Variants in SART1 observed in about 807,000 individuals in gnomAD.
SART1 encodes spliceosome associated factor 1, recruiter of U4/U6.U5 tri-snRNP, also known as U4/U6.U5 tri-snRNP-associated protein 1.
SART1 carries 28 observed loss-of-function variants against 105.0 expected under a neutral mutation model. The observed-to-expected ratio is 0.27, with a 90% CI of 0.20 to 0.37. SART1 has a LOEUF of 0.37. Among genes scored for constraint, SART1 ranks in the 10% least tolerant of loss-of-function variants. SART1 has a pLI of 1.00. For missense variants in SART1, 894 were observed against 1,106.5 expected (o/e 0.81, Z 2.72); for synonymous variants, 472 against 462.9 (o/e 1.02, Z -0.25).
chr11:65,979,304 A>G lies in SART1; in HGVS notation c.*274A>G. The G allele has an allele frequency of 1.7e-6, 1 of 577,900 alleles. No individual in the cohort carries two copies. Among genetic ancestry groups the G allele is most frequent in the East Asian group, 2.9e-5 (1 of 34,458 alleles). 35.8% of individuals were successfully genotyped at this position (577,900 alleles called of 1,614,324 possible). A position where few individuals can be genotyped will look rare whatever the true frequency, so the allele number is the denominator to read the frequency against. On this transcript the variant is annotated 3_prime_UTR_variant, in exon 20 of 20. Transcript: ENST00000312397. ...GGGCCGGCTCTCTGATAGAAAGTGG[A>G]AGGCGGTTTTAGAAACTCATCACCC...
chr11:65,971,577 G>C, intron 12 of SART1, among the ~76,000 whole-genome samples: 1 of 24,746 alleles, frequency 4.0e-5, no homozygotes, highest in Non-Finnish European at 1.1e-4. Flanking sequence ...TTCATGAGCT[G>C]CTGAAGAGGG....
rs767403436 is a variant in SART1 at position 65,961,831 on chromosome 11, G to A, written c.51G>A (p.Thr17=). The A allele has an allele frequency of 4.5e-6, 7 of 1,566,956 alleles. No homozygotes were observed. In the Admixed American group the frequency reaches 7.6e-5, roughly 17 times the overall value. The change falls in exon 1 of 20, where the codon ACG becomes ACA. Residue 17 remains threonine, a synonymous_variant. Coordinates refer to ENST00000312397, the MANE Select transcript of SART1 (RefSeq NM_005146.5). ...HRGEKEAAGT[T]AAAGTGGATE... ...GAGAGAAGGAGGCGGCCGGGACGAC[G>A]GCGGCGGCCGGCACCGGGGGTGCCA...
Position 65,979,340 on chromosome 11 carries a change from T to G in SART1, c.*310T>G. 1 of 507,014 alleles carries G rather than the reference T, an allele frequency of 2.0e-6. No individual in the cohort carries two copies. 31.4% of individuals were successfully genotyped at this position (507,014 alleles called of 1,614,324 possible). A position where few individuals can be genotyped will look rare whatever the true frequency, so the allele number is the denominator to read the frequency against. ...AGAAACTCATCACCCTGCTCTCTCC[T>G]GGCCTCGGGGGCTGCACAGGTCACT... On this transcript the variant is annotated 3_prime_UTR_variant, in exon 20 of 20. Transcript: ENST00000312397.
intron 12 of SART1, 112 bp downstream of exon 12, chr11:65,967,933 T>C: frequency 9.9e-7 from 1 of 1,012,640 alleles, no homozygotes; most frequent in Non-Finnish European, 1.4e-6. Context: ...CCATTTGTTT[T>C]TTGTTTTCTG....
chr11:65,964,130 A>G lies in SART1; in HGVS notation c.370A>G (p.Asn124Asp). 5 of 1,612,210 alleles carry G rather than the reference A, an allele frequency of 3.1e-6. No individual in the cohort carries two copies. The highest frequency in any genetic ancestry group is 1.7e-4 in the Middle Eastern group (1 of 6,018). ...CTCCTCACTCAGCATCGAGGAGACT[A>G]AGTGAGTACTGTCTCCCTTGTTTCT... ...DASSLSIEET[N>D]KLRAKLGLKP... is the part of the protein sequence containing the mutation. Residue 124 changes from asparagine to aspartate, a missense_variant and splice_region_variant, in exon 2 of 20, where the codon AAC becomes GAC. Physicochemically the swap from Asn to Asp is conservative, Grantham distance 23. Around this residue, in one of 2 missense-constraint regions of SART1, gnomAD observed 712 missense variants for 778.2 expected, o/e 0.91. Transcript: ENST00000312397.
rs758758531 is a variant in SART1, at chr11:65,979,052, C to T, written c.*22C>T. 1.9e-6 allele frequency: 3 copies of T among 1,614,120 alleles called. No individual in the cohort carries two copies. The highest frequency in any genetic ancestry group is 2.5e-6 in the Non-Finnish European group (3 of 1,179,962). ...GTGACAGCGCCCTCCCGCCCCGGCC[C>T]TGCCTCAACCTTCATATTAAATAAA... On this transcript the variant is annotated 3_prime_UTR_variant, in exon 20 of 20. Transcript: ENST00000312397.
chr11:65,975,836 CAGG>C (rs1855470027), intron 12 of SART1, among the ~76,000 whole-genome samples: 1 of 151,982 alleles, frequency 6.6e-6, no homozygotes, highest in South Asian at 2.1e-4. Flanking sequence ...GCATCTGCGA[CAGG>C]AGGGAAAGCA....
At position 65,978,542 on chromosome 11, in the gene SART1, C is replaced by T. The variant is rs939543756; in HGVS notation, c.2173-58C>T. On this transcript the variant is annotated intron_variant, in intron 17 of 19. Transcript: ENST00000312397. This position sits in a 1 kb window ranked among gnomAD's most constrained non-coding sequence, Gnocchi z 6.8. ...CCTGTTATTATACACCTTGTGGGCACAGGTGGCTCCGGCCCCACCCAGGGC... is the reference window on the plus strand; with the variant it reads ...CCTGTTATTATACACCTTGTGGGCATAGGTGGCTCCGGCCCCACCCAGGGC... 7.3e-6 allele frequency: 11 copies of T among 1,499,560 alleles called. No individual in the cohort carries two copies. In the Admixed American group the frequency reaches 9.8e-5, roughly 13 times the overall value. 92.9% of individuals were successfully genotyped at this position (1,499,560 alleles called of 1,614,324 possible).
chr11:65,962,244 C>T, intron 1 of SART1, 151 bp downstream of exon 1: 2 of 634,376 alleles, frequency 3.2e-6, no homozygotes, highest in South Asian at 2.4e-5. Context: ...CTACGGGATC[C>T]CTTGAGCCCA....
chr11:65,965,000 C>T, intron 3 of SART1, 92 bp from the exon 4 acceptor site: 2 of 1,464,030 alleles, frequency 1.4e-6, no homozygotes, highest in Middle Eastern at 2.6e-4. Context: ...CCCTTCTGGC[C>T]CCCTGAGCTG....
intron 12 of SART1, 46 bp downstream of exon 12, chr11:65,967,867 C>G (rs1267299758): frequency 6.3e-6 from 9 of 1,432,562 alleles, no homozygotes; most frequent in Non-Finnish European, 8.3e-6. Context: ...AGTCACCTGT[C>G]CTCACGAGCA....
At chr11:65,968,470 C>T (rs1335485478) in intron 12 of SART1, among the ~76,000 whole-genome samples, 1 of 152,120 alleles carries the variant, frequency 6.6e-6, no homozygotes, top group Admixed American at 6.6e-5. Context: ...TGGGGAGCAG[C>T]AGTGACTGTT....
chr11:65,965,639 C>G, intron 5 of SART1, 63 bp from the exon 6 acceptor site: 1 of 1,537,382 alleles, frequency 6.5e-7, no homozygotes. Flanking sequence ...TGGTAGAGCC[C>G]TGAGTGTTTT....
chr11:65,972,004 A>G (rs550308031), intron 12 of SART1, among the ~76,000 whole-genome samples: 3 of 152,084 alleles, frequency 2.0e-5, no homozygotes, highest in African/African-American at 4.8e-5. Flanking sequence ...GCTCACTGCA[A>G]TTTCCACCTC....
Position 65,964,055 on chromosome 11 carries a change from A to G in SART1, c.314-19A>G, listed in dbSNP as rs772949210. ...TGGCCCTGTGTTCAGCTCCTGAGCC[A>G]TGCTTCTTCTTGTTCCAGCTGCCAG... On this transcript the variant is annotated intron_variant, in intron 1 of 19. Coordinates refer to ENST00000312397, the MANE Select transcript of SART1 (RefSeq NM_005146.5). 3 of 1,609,236 alleles carry G rather than the reference A, an allele frequency of 1.9e-6. No homozygotes were observed. Among genetic ancestry groups the G allele is most frequent in the East Asian group, 2.2e-5 (1 of 44,880 alleles).
intron 6 of SART1, 51 bp downstream of exon 6, chr11:65,965,830 G>A (rs1320878084): frequency 6.2e-7 from 1 of 1,613,524 alleles, no homozygotes; most frequent in Non-Finnish European, 8.5e-7. Flanking sequence ...CTTGCTACCG[G>A]AATCCCGAGG....
rs781047225 is a variant in SART1 at position 65,976,268 on chromosome 11, G to C, written c.1573-127G>C. 4.4e-6 allele frequency: 4 copies of C among 917,008 alleles called. No individual in the cohort carries two copies. The highest frequency in any genetic ancestry group is 6.3e-6 in the Non-Finnish European group (4 of 630,614). 56.8% of individuals were successfully genotyped at this position (917,008 alleles called of 1,614,324 possible). A position where few individuals can be genotyped will look rare whatever the true frequency, so the allele number is the denominator to read the frequency against. On this transcript the variant is annotated intron_variant, in intron 12 of 19. Coordinates refer to ENST00000312397, the MANE Select transcript of SART1 (RefSeq NM_005146.5). This position sits in a 1 kb window ranked among gnomAD's most constrained non-coding sequence, Gnocchi z 5.1. The stretch of plus-strand genomic sequence containing the variant: ...GAGTGGAGTTAGGCGGCAGATAGCA[G>C]CTGGGCCTGCATGGGCTGTGGGCGT...
At chr11:65,970,344 A>C (rs12575514) in intron 12 of SART1, among the ~76,000 whole-genome samples, 11,154 of 152,200 alleles carry the variant, frequency 0.073, 784 homozygotes, top group African/African-American at 0.18. Context: ...ATGTCTTTTT[A>C]GTTTTTTGTT....
At chr11:65,974,222 AAATT>A (rs1855436379) in intron 12 of SART1, among the ~76,000 whole-genome samples, 2 of 150,208 alleles carry the variant, frequency 1.3e-5, no homozygotes, top group Non-Finnish European at 3.0e-5. Context: ...AAAAAAAAAA[AAATT>A]AGCCGAGCAT....
Sources: allele counts gnomAD v4.1 joint callset (sites outside exome capture counted in the v4.1 genomes callset), GRCh38; gene constraint gnomAD v4.1.1; regional missense constraint gnomAD v4.1.1; non-coding constraint Gnocchi (gnomAD v3.1); transcripts MANE v1.5; gene names NCBI Gene and HGNC (gene_info 2026-07-23, HGNC 2026-07-21).